Variants in ANK3 observed in about 807,000 individuals in gnomAD.
ANK3 encodes the protein ankyrin-3.
A neutral mutation model predicts 370.9 loss-of-function variants in ANK3; 57 were observed. That is an observed-to-expected ratio of 0.15 (90% confidence interval 0.12 to 0.19). The LOEUF (loss-of-function observed/expected upper bound fraction) is 0.19, where lower values mean the gene tolerates loss of function less well. Among genes scored for constraint, ANK3 ranks in the 10% least tolerant of loss-of-function variants. The pLI is 1.00. For missense variants in ANK3, 4,439 were observed against 5,302.1 expected, an observed-to-expected ratio of 0.84 and a Z score of 5.06; for synonymous variants, 1,929 against 1,946.3, an observed-to-expected ratio of 0.99 and a Z score of 0.23.
chr10:60,268,515 A>C (rs1392032119), intron 5 of ANK3, among the ~76,000 whole-genome samples: 1 of 152,154 alleles, frequency 6.6e-6, no homozygotes, highest in African/African-American at 2.4e-5. Flanking sequence ...GTTCTGAATA[A>C]ACAGGATTCT....
rs535774079 is a variant in ANK3 at position 60,257,775 on chromosome 10, A to T, written c.798+4084T>A. On this transcript the variant is annotated intron_variant, in intron 7 of 43. Transcript: ENST00000280772. ...ATATTTTAATCTGTAAACCACCCGA[A>T]ATCTTTTTGGAAACAAATGAGGTAT... Among the ~76,000 whole-genome samples, 11 of 152,282 alleles carry T rather than the reference A, an allele frequency of 7.2e-5. No homozygotes were observed. In the East Asian group the frequency reaches 2.1e-3, roughly 29 times the overall value.
chr10:60,270,983 T>C (rs1482883512), intron 4 of ANK3, among the ~76,000 whole-genome samples: 1 of 152,158 alleles, frequency 6.6e-6, no homozygotes, highest in Non-Finnish European at 1.5e-5. Flanking sequence ...TCTGTGTGCC[T>C]CTCTGAAATG....
rs769960448 is a variant in ANK3, at chr10:60,075,476, G to A, written c.5405C>T (p.Thr1802Ile). ...LRTPSASALY[T>I]SLGSSISATT... ...TGCAGATATTGACGACCCAAGGGATGTATAGAGTGCACTTGCGGAAGGAGT... is the reference window on the plus strand; with the variant it reads ...TGCAGATATTGACGACCCAAGGGATATATAGAGTGCACTTGCGGAAGGAGT... The change falls in exon 37 of 44, where the codon ACA becomes ATA. Residue 1802 changes from threonine (T) to isoleucine (I), a missense_variant. Coordinates refer to ENST00000280772, the MANE Select transcript of ANK3 (RefSeq NM_020987.5). The A allele has an allele frequency of 1.2e-6, 2 of 1,612,820 alleles. No homozygotes were observed. Among genetic ancestry groups the A allele is most frequent in the South Asian group, 1.1e-5 (1 of 91,086 alleles).
chr10:60,176,179 C>CAAAAAAAA, intron 18 of ANK3, among the ~76,000 whole-genome samples: 1 of 80,084 alleles, frequency 1.2e-5, no homozygotes, highest in Non-Finnish European at 2.6e-5. Flanking sequence ...GCTAAAAATA[C>CAAAAAAAA]AAAAAAAAAA....
chr10:60,575,191 G>A (rs562585474), intron 2 of ANK3, among the ~76,000 whole-genome samples: 2 of 152,192 alleles, frequency 1.3e-5, no homozygotes, highest in East Asian at 1.9e-4. Context: ...GAAATTGATC[G>A]AATAAACATG....
intron 1 of ANK3, among the ~76,000 whole-genome samples, chr10:60,358,734 T>C (rs1259868407): frequency 6.6e-6 from 1 of 152,192 alleles, no homozygotes; most frequent in Non-Finnish European, 1.5e-5. Flanking sequence ...CCATTCTTTC[T>C]GTTCACTTTA....
chr10:60,206,448 G>A (rs1212044052), intron 10 of ANK3, among the ~76,000 whole-genome samples: 1 of 151,336 alleles, frequency 6.6e-6, no homozygotes, highest in Non-Finnish European at 1.5e-5. Flanking sequence ...ACTCCAGCCT[G>A]GGCAACAAGA....
chr10:60,568,374 T>C (rs1002324681), intron 2 of ANK3, among the ~76,000 whole-genome samples: 7 of 152,222 alleles, frequency 4.6e-5, no homozygotes, highest in Admixed American at 4.6e-4. Flanking sequence ...AGTTCAAGTA[T>C]GTGCATTGCC....
At chr10:60,397,632 TG>T (rs752229445) in intron 2 of ANK3, among the ~76,000 whole-genome samples, 22 of 152,204 alleles carry the variant, frequency 1.4e-4, no homozygotes, top group Non-Finnish European at 2.6e-4. Flanking sequence ...TCCTTGAACT[TG>T]GCAAGTGTTA....
In ANK3 at chr10:60,075,426, T is replaced by G. The variant is rs377376965; in HGVS notation, c.5455A>C (p.Ile1819Leu). The change falls in exon 37 of 44, where the codon ATT becomes CTT. Residue 1819 changes from isoleucine (I) to leucine (L), a missense_variant. Around this residue, in one of 13 missense-constraint regions of ANK3, gnomAD observed 679 missense variants for 791.0 expected, o/e 0.86. Coordinates refer to ENST00000280772, the MANE Select transcript of ANK3 (RefSeq NM_020987.5). ...SATTSSVTSSIITVPVYSVVN... is the reference protein window; with the variant it reads ...SATTSSVTSSLITVPVYSVVN... The stretch of plus-strand genomic sequence containing the variant: ...ACAGAGTATACTGGCACTGTTATAA[T>G]TGATGAAGTTACAGATGAGGTAGTT... 10 of 1,613,200 alleles carry G rather than the reference T, an allele frequency of 6.2e-6. No homozygotes were observed. The highest frequency in any genetic ancestry group is 8.5e-6 in the Non-Finnish European group (10 of 1,180,012).
chr10:60,054,673 A>C (rs2078795614), intron 42 of ANK3, among the ~76,000 whole-genome samples: 1 of 152,220 alleles, frequency 6.6e-6, no homozygotes, highest in Admixed American at 6.5e-5. Flanking sequence ...GTTTGCTAAA[A>C]GTCTTCCTAA....
intron 2 of ANK3, among the ~76,000 whole-genome samples, chr10:60,407,023 A>G (rs945418116): frequency 3.9e-5 from 6 of 152,198 alleles, no homozygotes; most frequent in Non-Finnish European, 8.8e-5. Context: ...ATGGAAATAT[A>G]TCATTTTCCC....
At chr10:60,114,915 CT>C (rs1343161129) in intron 25 of ANK3, among the ~76,000 whole-genome samples, 1 of 152,252 alleles carries the variant, frequency 6.6e-6, no homozygotes, top group East Asian at 1.9e-4. Flanking sequence ...AACTTACAGG[CT>C]TTTGTCAGTT....
At chr10:60,157,537 A>G (rs1443352537) in intron 23 of ANK3, among the ~76,000 whole-genome samples, 1 of 151,916 alleles carries the variant, frequency 6.6e-6, no homozygotes, top group Non-Finnish European at 1.5e-5. Context: ...GAGTCTCCCT[A>G]TGTTGCCCAA....
At position 60,726,343 on chromosome 10, in the gene ANK3, TC is replaced by T. The variant is rs1452498053; in HGVS notation, c.57+6919del. On this transcript the variant is annotated intron_variant, in intron 1 of 43. Coordinates refer to the ANK3 transcript ENST00000373827. ...TCTAATTTCTGCCTAAAACATAGGT[TC>T]AAAGTTATTTGTAGCAGTGTCAGAC... 2.0e-5 allele frequency among the ~76,000 whole-genome samples: 3 copies of T among 152,214 alleles called. No homozygotes were observed. The East Asian group carries it at 5.8e-4, about 29-fold the overall frequency.
chr10:60,668,496 A>G (rs2079026498), intron 1 of ANK3, among the ~76,000 whole-genome samples: 1 of 146,756 alleles, frequency 6.8e-6, no homozygotes, highest in South Asian at 2.1e-4. Context: ...CATCATTGGC[A>G]TCGGGGGTGG....
chr10:60,027,119 G>C lies in ANK3; in HGVS notation c.*2727C>G, dbSNP rs1032411384. ...CATATACCTAAAGTCAAATTTTTGGGCATATAAACACAACTATTTAATACC... is the reference window on the plus strand; with the variant it reads ...CATATACCTAAAGTCAAATTTTTGGCCATATAAACACAACTATTTAATACC... On this transcript the variant is annotated 3_prime_UTR_variant, in exon 44 of 44. Transcript: ENST00000280772. 6.6e-6 allele frequency: 1 copy of C among 151,906 alleles called. No individual in the cohort carries two copies. The highest frequency in any genetic ancestry group is 2.4e-5 in the African/African-American group (1 of 41,362). The allele number at this position is 151,906 out of a possible 1,614,324, so 9.4% of individuals were successfully genotyped here.
intron 2 of ANK3, among the ~76,000 whole-genome samples, chr10:60,608,661 T>C (rs1404343922): frequency 6.6e-6 from 1 of 152,236 alleles, no homozygotes; most frequent in African/African-American, 2.4e-5. Context: ...AGTTTGTGTA[T>C]GCAAACATAT....
intron 7 of ANK3, among the ~76,000 whole-genome samples, chr10:60,235,737 C>T (rs2132540424): frequency 6.6e-6 from 1 of 152,150 alleles, no homozygotes; most frequent in Non-Finnish European, 1.5e-5. Flanking sequence ...AGTTTAAGTT[C>T]TGCTGTTCAC....
Sources: allele counts gnomAD v4.1 joint callset (sites outside exome capture counted in the v4.1 genomes callset), GRCh38; gene constraint gnomAD v4.1.1; regional missense constraint gnomAD v4.1.1; transcripts MANE v1.5; gene names NCBI Gene and HGNC (gene_info 2026-07-23, HGNC 2026-07-21).